The following SP1 variants were observed in gnomAD, a reference collection of about 807,000 sequenced individuals.
SP1 encodes Sp1 transcription factor.
In SP1, 6 loss-of-function variants were observed where a neutral mutation model predicts 66.3. The observed-to-expected ratio is 0.09, with a 90% confidence interval of 0.05 to 0.18. SP1 has a LOEUF of 0.18. Ranked by LOEUF, SP1 falls within the 10% of genes least tolerant of loss-of-function variation. SP1 has a pLI of 1.00. For missense variants in SP1, 848 were observed against 964.5 expected (o/e 0.88, Z 1.60); for synonymous variants, 417 against 360.8 (o/e 1.16, Z -1.77).
intron 3 of SP1, among the ~76,000 whole-genome samples, chr12:53,401,359 G>A (rs1339842953): frequency 6.6e-6 from 1 of 150,688 alleles, no homozygotes; most frequent in Admixed American, 6.6e-5. Flanking sequence ...GCTGAGGCAG[G>A]AGAATCACTT....
chr12:53,397,344 T>A (rs1938512044), intron 3 of SP1, among the ~76,000 whole-genome samples: 1 of 151,894 alleles, frequency 6.6e-6, no homozygotes, highest in South Asian at 2.1e-4. Flanking sequence ...ACTGTTTTAC[T>A]TTTCTTACTC....
chr12:53,405,935 G>A (rs1348327176), intron 3 of SP1, among the ~76,000 whole-genome samples: 1 of 151,396 alleles, frequency 6.6e-6, no homozygotes, highest in Non-Finnish European at 1.5e-5. Flanking sequence ...CATCAGTATG[G>A]CACATGTATA....
At chr12:53,397,768 G>A (rs1938522556) in intron 3 of SP1, among the ~76,000 whole-genome samples, 1 of 151,778 alleles carries the variant, frequency 6.6e-6, no homozygotes, top group Admixed American at 6.6e-5. Context: ...TGGCCTGGCT[G>A]GTCTTGAACC....
chr12:53,394,889 C>T (rs560831724), intron 3 of SP1, among the ~76,000 whole-genome samples: 8 of 151,936 alleles, frequency 5.3e-5, no homozygotes, highest in Non-Finnish European at 1.2e-4. Flanking sequence ...GCCAGGATTA[C>T]AGATGTGAGC....
At chr12:53,382,036 A>T (rs1330442156) in intron 2 of SP1, 74 bp from the exon 3 acceptor site, 1 of 1,420,328 alleles carries the variant, frequency 7.0e-7, no homozygotes, top group Non-Finnish European at 9.7e-7. Flanking sequence ...GTTGCTGTTT[A>T]TTTGTTGTAT....
intron 1 of SP1, 25 bp from the exon 2 acceptor site, chr12:53,381,634 G>T: frequency 1.3e-6 from 2 of 1,578,996 alleles, no homozygotes; most frequent in Non-Finnish European, 1.7e-6. Context: ...TCAAGTTTAC[G>T]TTGTTTGTTT....
chr12:53,381,519 C>T (rs1290201424), intron 1 of SP1, 140 bp from the exon 2 acceptor site: 3 of 683,822 alleles, frequency 4.4e-6, no homozygotes, highest in East Asian at 2.9e-5. Flanking sequence ...TCCCCTCTGC[C>T]CTCCAATCCA....
chr12:53,381,669 C>T lies in SP1; in HGVS notation c.18C>T (p.His6=), dbSNP rs771662689. 3.1e-6 allele frequency: 5 copies of T among 1,612,324 alleles called. No individual in the cohort carries two copies. Among genetic ancestry groups the T allele is most frequent in the Non-Finnish European group, 8.5e-7 (1 of 1,179,306 alleles). Residue 6 remains histidine, a synonymous_variant, in exon 2 of 6, where the codon CAC becomes CAT. Transcript: ENST00000327443. ...TTTTAATTATTTTAGACCAAGATCA[C>T]TCCATGGATGAAATGACAGCTGTGG... MSDQD[H]SMDEMTAVVK... is the part of the protein sequence containing the mutation.
chr12:53,413,032 T>A lies in SP1; in HGVS notation c.*1792T>A, dbSNP rs1455919056. ...TTAAAAGAGACCTGCAATAAAAAAA[T>A]TACCCTGATCTGATAGAAAGCAAGT... On this transcript the variant is annotated 3_prime_UTR_variant, in exon 6 of 6. Transcript: ENST00000327443. 2 of 152,298 alleles carry A rather than the reference T, an allele frequency of 1.3e-5. No homozygotes were observed. The highest frequency in any genetic ancestry group is 2.9e-5 in the Non-Finnish European group (2 of 68,002). The allele number at this position is 152,298 out of a possible 1,614,324, so 9.4% of individuals were successfully genotyped here.
At chr12:53,400,008 C>G (rs1388895770) in intron 3 of SP1, among the ~76,000 whole-genome samples, 2 of 152,174 alleles carry the variant, frequency 1.3e-5, no homozygotes, top group Admixed American at 1.3e-4. Context: ...TAGTGATCCA[C>G]CTCCTGGGCC....
At chr12:53,403,369 G>GT (rs1418241624) in intron 3 of SP1, among the ~76,000 whole-genome samples, 3 of 151,748 alleles carry the variant, frequency 2.0e-5, no homozygotes, top group Non-Finnish European at 2.9e-5. Flanking sequence ...TTGGTTTTTT[G>GT]TTTTTTTGAG....
chr12:53,411,463 G>A lies in SP1; in HGVS notation c.*223G>A, dbSNP rs1938883790. The A allele has an allele frequency of 2.1e-6, 1 of 470,440 alleles. No individual in the cohort carries two copies. 29.1% of individuals were successfully genotyped at this position (470,440 alleles called of 1,614,324 possible). ...GGGAAACATTAGTGAAAATTCTGTTGGTGCCACGCTTTGATGAGCATTTGT... is the reference window on the plus strand; with the variant it reads ...GGGAAACATTAGTGAAAATTCTGTTAGTGCCACGCTTTGATGAGCATTTGT... On this transcript the variant is annotated 3_prime_UTR_variant, in exon 6 of 6. Coordinates refer to ENST00000327443, the MANE Select transcript of SP1 (RefSeq NM_138473.3).
At chr12:53,385,390 TC>T (rs1215295109) in intron 3 of SP1, among the ~76,000 whole-genome samples, 1 of 148,840 alleles carries the variant, frequency 6.7e-6, no homozygotes, top group Non-Finnish European at 1.5e-5. Context: ...GGTCAAGAGA[TC>T]GAGACCATCC....
rs548818416 is a variant in SP1 at position 53,394,139 on chromosome 12, C to T, written c.1675+10517C>T. On this transcript the variant is annotated intron_variant, in intron 3 of 5. Transcript: ENST00000327443. ...CTGAGGCAGGAGAATCATTTGAACC[C>T]GGGAGGTGGAGGTTGCAGTGAGCCA... is the stretch of plus-strand genomic sequence containing the variant. Among the ~76,000 whole-genome samples, 15 of 151,712 alleles carry T rather than the reference C, an allele frequency of 9.9e-5. 1 individual carries two copies. In the East Asian group the frequency reaches 2.6e-3, roughly 26 times the overall value.
At chr12:53,395,224 C>G (rs1464368182) in intron 3 of SP1, among the ~76,000 whole-genome samples, 1 of 151,980 alleles carries the variant, frequency 6.6e-6, no homozygotes. Context: ...CCTTTAATCC[C>G]AGCTACTCCC....
At chr12:53,410,531 CAG>C (rs769112426) in intron 5 of SP1, among the ~76,000 whole-genome samples, 5 of 151,440 alleles carry the variant, frequency 3.3e-5, no homozygotes, top group South Asian at 4.2e-4. Flanking sequence ...TTTTTTGAGA[CAG>C]AGTCTCTGTC....
chr12:53,400,467 A>G (rs897256436), intron 3 of SP1, among the ~76,000 whole-genome samples: 6 of 152,186 alleles, frequency 3.9e-5, no homozygotes, highest in Admixed American at 1.3e-4. Context: ...TAATGCTGCT[A>G]TGAATATTTG....
chr12:53,392,984 C>T (rs1367023743), intron 3 of SP1, among the ~76,000 whole-genome samples: 5 of 151,828 alleles, frequency 3.3e-5, no homozygotes, highest in Non-Finnish European at 7.4e-5. Context: ...CGCCACCATG[C>T]CCGGCTAATT....
rs1215906057 is a variant in SP1 at position 53,416,162 on chromosome 12, A to G, written c.*4922A>G. On this transcript the variant is annotated 3_prime_UTR_variant, in exon 6 of 6. Coordinates refer to ENST00000327443, the MANE Select transcript of SP1 (RefSeq NM_138473.3). ...TCATGCTGTGTTTGTTTTGATTCCAATCCAATTATCACCAGGGCTGTGTGG... is the reference window on the plus strand; with the variant it reads ...TCATGCTGTGTTTGTTTTGATTCCAGTCCAATTATCACCAGGGCTGTGTGG... The G allele has an allele frequency of 6.5e-6, 1 of 152,902 alleles. No homozygotes were observed. Among genetic ancestry groups the G allele is most frequent in the African/African-American group, 2.4e-5 (1 of 41,422 alleles). 9.5% of individuals were successfully genotyped at this position (152,902 alleles called of 1,614,324 possible).
Sources: allele counts gnomAD v4.1 joint callset (sites outside exome capture counted in the v4.1 genomes callset), GRCh38; gene constraint gnomAD v4.1.1; transcripts MANE v1.5; gene names NCBI Gene and HGNC (gene_info 2026-07-23, HGNC 2026-07-21).